IGF1R: variants seen among roughly 807,000 people sequenced by gnomAD.
The protein encoded by IGF1R is insulin-like growth factor 1 receptor.
A neutral mutation model predicts 144.6 loss-of-function variants in IGF1R; 44 were observed. That is an observed-to-expected ratio of 0.30 (90% CI 0.24 to 0.39). The LOEUF is 0.39. IGF1R is among the 10% of genes least tolerant of loss of function. IGF1R has a pLI of 1.00. For synonymous variants in IGF1R, 795 were observed against 722.8 expected (o/e 1.10, Z -1.60); for missense variants, 1,355 against 1,833.7 (o/e 0.74, Z 4.77).
intron 2 of IGF1R, among the ~76,000 whole-genome samples, chr15:98,773,983 G>A (rs978115560): frequency 3.3e-5 from 5 of 152,110 alleles, no homozygotes; most frequent in Non-Finnish European, 5.9e-5. Context: ...CAGTTTTAAG[G>A]AAATAAATCC....
Position 98,707,921 on chromosome 15 carries a change from C to T in IGF1R, c.454C>T (p.Leu152Phe). Residue 152 changes from leucine (L) to phenylalanine (F), a missense_variant, in exon 2 of 21, where the codon CTC (leucine) becomes TTC (phenylalanine). Physicochemically the swap from Leu to Phe is conservative, Grantham distance 22 (BLOSUM62 0). This residue lies in a region of IGF1R where 880 missense variants were observed against 1,202.7 expected (regional missense o/e 0.73). Coordinates refer to ENST00000650285, the MANE Select transcript of IGF1R (RefSeq NM_000875.5). The surrounding 1 kb of genome is among the most constrained non-coding windows in gnomAD (Gnocchi z 6.7). ...RIEKNADLCY[L>F]STVDWSLILD... is the part of the protein sequence containing the mutation. ...TGAGAAAAATGCTGACCTCTGTTAC[C>T]TCTCCACTGTGGACTGGTCCCTGAT... 6.2e-7 allele frequency: 1 copy of T among 1,614,184 alleles called. No homozygotes were observed. The highest frequency in any genetic ancestry group is 2.2e-5 in the East Asian group (1 of 44,888).
At chr15:98,679,474 A>G (rs2053132796) in intron 1 of IGF1R, among the ~76,000 whole-genome samples, 1 of 152,124 alleles carries the variant, frequency 6.6e-6, no homozygotes, top group Non-Finnish European at 1.5e-5. Flanking sequence ...TAGTCCCATG[A>G]GATTATAATG....
chr15:98,907,432 CTGGGGTTCT>C (rs2014786414), intron 5 of IGF1R, among the ~76,000 whole-genome samples: 1 of 152,302 alleles, frequency 6.6e-6, no homozygotes, highest in African/African-American at 2.4e-5. Flanking sequence ...GCAGGGAGGG[CTGGGGTTCT>C]TTCTCCTTTG....
At chr15:98,763,718 T>C (rs370025298) in intron 2 of IGF1R, among the ~76,000 whole-genome samples, 103 of 152,322 alleles carry the variant, frequency 6.8e-4, no homozygotes, top group African/African-American at 2.3e-3. Flanking sequence ...TTAACCTCTT[T>C]TGTGCCTTCA....
intron 1 of IGF1R, among the ~76,000 whole-genome samples, chr15:98,687,414 T>C (rs1461901723): frequency 6.6e-6 from 1 of 152,186 alleles, no homozygotes; most frequent in South Asian, 2.1e-4. Flanking sequence ...GAAACCTCAG[T>C]TGGCTCCATG....
chr15:98,787,978 G>A (rs149898658), intron 2 of IGF1R, among the ~76,000 whole-genome samples: 38 of 151,704 alleles, frequency 2.5e-4, no homozygotes, highest in Non-Finnish European at 5.3e-4. Flanking sequence ...TGTTCACCAC[G>A]CTTGATGGCA....
Position 98,960,913 on chromosome 15 carries a change from C to CG in IGF1R, c.*3472dup, listed in dbSNP as rs886051596. 2 of 233,986 alleles carry CG rather than the reference C, an allele frequency of 8.5e-6. No individual in the cohort carries two copies. Among genetic ancestry groups the CG allele is most frequent in the Non-Finnish European group, 1.7e-5 (2 of 118,376 alleles). 14.5% of individuals were successfully genotyped at this position (233,986 alleles called of 1,614,324 possible). ...GAGGCTCGTGGCGTCACGCCCCCCCCGCCAGGGCTGTACCTCCGTCTCCCT... is the reference window on the plus strand; with the variant it reads ...GAGGCTCGTGGCGTCACGCCCCCCCCGGCCAGGGCTGTACCTCCGTCTCCCT... On this transcript the variant is annotated 3_prime_UTR_variant, in exon 21 of 21. Transcript: ENST00000650285.
chr15:98,948,702 A>T lies in IGF1R; in HGVS notation c.3716A>T (p.Asp1239Val). ...GLLDKPDNCP[D>V]MLFELMRMCW... ...CTGGACAAGCCAGACAACTGTCCTG[A>T]CATGCTGTACGTACTTCCTGGGCCC... Residue 1239 changes from aspartate to valine, a missense_variant, in exon 20 of 21, where the codon GAC becomes GTC. Physicochemically the swap from Asp to Val is radical, Grantham distance 152. This residue lies in a region of IGF1R where 219 missense variants were observed against 188.8 expected (regional missense o/e 1.16). Coordinates refer to ENST00000650285, the MANE Select transcript of IGF1R (RefSeq NM_000875.5). 1 of 1,614,136 alleles carries T rather than the reference A, an allele frequency of 6.2e-7. No homozygotes were observed.
intron 2 of IGF1R, among the ~76,000 whole-genome samples, chr15:98,725,362 A>G (rs779011472): frequency 5.3e-5 from 8 of 152,220 alleles, no homozygotes; most frequent in Non-Finnish European, 1.0e-4. Flanking sequence ...CTAGCATTTC[A>G]TCCCATGTTG....
rs187129370 is a variant in IGF1R at position 98,905,425 on chromosome 15, G to A, written c.1248-3260G>A. On this transcript the variant is annotated intron_variant, in intron 5 of 20. Transcript: ENST00000650285. ...TAATCCCAGCACTTTGGAAGACCAT[G>A]GCAAGGCATTGCTTGAGCCCAGGAG... 2.0e-5 allele frequency among the ~76,000 whole-genome samples: 3 copies of A among 152,138 alleles called. No individual in the cohort carries two copies. In the East Asian group the frequency reaches 5.8e-4, roughly 29 times the overall value.
chr15:98,703,420 G>T (rs1380162543), intron 1 of IGF1R, among the ~76,000 whole-genome samples: 1 of 152,070 alleles, frequency 6.6e-6, no homozygotes, highest in East Asian at 1.9e-4. Context: ...CCTGAACGCT[G>T]CTATCATTCA....
chr15:98,674,404 AC>A (rs2052977987), intron 1 of IGF1R, among the ~76,000 whole-genome samples: 1 of 152,136 alleles, frequency 6.6e-6, no homozygotes, highest in African/African-American at 2.4e-5. Flanking sequence ...CAATATCATC[AC>A]CCTAGGCTTC....
intron 2 of IGF1R, among the ~76,000 whole-genome samples, chr15:98,860,525 T>C (rs1397017823): frequency 6.6e-6 from 1 of 152,248 alleles, no homozygotes; most frequent in Non-Finnish European, 1.5e-5. Context: ...TGGAAATCTT[T>C]CCAACATGTA....
At chr15:98,819,878 C>G (rs1340444185) in intron 2 of IGF1R, among the ~76,000 whole-genome samples, 3 of 152,148 alleles carry the variant, frequency 2.0e-5, no homozygotes, top group Non-Finnish European at 2.9e-5. Context: ...ATTGGATGAT[C>G]ATACCTGCTT....
At chr15:98,889,982 A>G (rs1361712445) in intron 2 of IGF1R, among the ~76,000 whole-genome samples, 1 of 152,238 alleles carries the variant, frequency 6.6e-6, no homozygotes, top group Non-Finnish European at 1.5e-5. Flanking sequence ...CTGACAGCCC[A>G]CAGAGTGTGA....
intron 2 of IGF1R, among the ~76,000 whole-genome samples, chr15:98,832,727 G>C (rs187113643): frequency 3.6e-4 from 55 of 152,224 alleles, no homozygotes; most frequent in Non-Finnish European, 5.7e-4. Context: ...ATTACCTTAT[G>C]CTAAGTTGGA....
chr15:98,813,760 T>G (rs1185721813), intron 2 of IGF1R, among the ~76,000 whole-genome samples: 1 of 152,226 alleles, frequency 6.6e-6, no homozygotes, highest in African/African-American at 2.4e-5. Context: ...GCGGCCCCAG[T>G]CCATTCCTTA....
At chr15:98,819,088 G>T (rs533548893) in intron 2 of IGF1R, among the ~76,000 whole-genome samples, 96 of 152,190 alleles carry the variant, frequency 6.3e-4, no homozygotes, top group African/African-American at 2.2e-3. Context: ...GCTCTGTCTT[G>T]CATCTCTCAG....
At chr15:98,806,732 C>CT (rs1567138115) in intron 2 of IGF1R, among the ~76,000 whole-genome samples, 1 of 152,282 alleles carries the variant, frequency 6.6e-6, no homozygotes, top group East Asian at 1.9e-4. Flanking sequence ...AACACCCGTT[C>CT]TCTGGCATTA....
Sources: gnomAD v4.1 joint callset for allele counts (sites outside exome capture counted in the v4.1 genomes callset) on GRCh38, gnomAD v4.1.1 for gene constraint, gnomAD v4.1.1 regional missense constraint, Gnocchi (gnomAD v3.1) non-coding constraint, MANE v1.5 for transcripts, NCBI Gene and HGNC (gene_info 2026-07-23, HGNC 2026-07-21) for gene names.